Variants in SGCZ observed in about 807,000 individuals in gnomAD.
The protein encoded by SGCZ is sarcoglycan zeta, also known as zeta-sarcoglycan.
Under a neutral mutation model 41.3 loss-of-function variants are expected in SGCZ, and 40 were observed. The observed-to-expected ratio is 0.97, with a 90% CI of 0.75 to 1.26. The LOEUF is 1.26. Ranked by LOEUF, SGCZ falls within the 50% of genes most tolerant of loss-of-function variation. The pLI is 0.00. For missense variants in SGCZ, 552 were observed against 369.8 expected, an observed-to-expected ratio of 1.49 and a Z score of -4.04; for synonymous variants, 206 against 137.5, an observed-to-expected ratio of 1.50 and a Z score of -3.49.
chr8:14,742,146 A>G (rs1342074311), intron 1 of SGCZ, among the ~76,000 whole-genome samples: 1 of 152,054 alleles, frequency 6.6e-6, no homozygotes, highest in Non-Finnish European at 1.5e-5. Flanking sequence ...ATGAGCCTAA[A>G]GTTTATATAC....
At chr8:14,185,965 T>A (rs1804889857) in intron 4 of SGCZ, among the ~76,000 whole-genome samples, 1 of 152,224 alleles carries the variant, frequency 6.6e-6, no homozygotes, top group African/African-American at 2.4e-5. Flanking sequence ...TTTCTAATCA[T>A]ATGATTAGTT....
intron 3 of SGCZ, among the ~76,000 whole-genome samples, chr8:14,279,670 G>T (rs546227221): frequency 4.0e-5 from 6 of 151,844 alleles, no homozygotes; most frequent in Non-Finnish European, 8.8e-5. Flanking sequence ...GCACAGCTTC[G>T]GGCAGGTTAA....
intron 1 of SGCZ, among the ~76,000 whole-genome samples, chr8:14,800,956 T>C (rs1260060026): frequency 1.3e-5 from 2 of 152,200 alleles, no homozygotes; most frequent in Non-Finnish European, 2.9e-5. Context: ...CATGTTAGTA[T>C]TTTAAACACC....
At chr8:15,040,509 C>CGGGAGGCTAAGGCA in intron 1 of SGCZ, among the ~76,000 whole-genome samples, 1 of 152,062 alleles carries the variant, frequency 6.6e-6, no homozygotes, top group South Asian at 2.1e-4. Flanking sequence ...CCCAGCTACT[C>CGGGAGGCTAAGGCA]GGGAGGCTAA....
At chr8:14,765,184 C>A (rs1418739196) in intron 1 of SGCZ, among the ~76,000 whole-genome samples, 1 of 152,102 alleles carries the variant, frequency 6.6e-6, no homozygotes, top group African/African-American at 2.4e-5. Context: ...TTTTAAAGAC[C>A]TGGACTTGAT....
At chr8:14,494,994 C>T (rs1449183983) in intron 2 of SGCZ, among the ~76,000 whole-genome samples, 1 of 152,124 alleles carries the variant, frequency 6.6e-6, no homozygotes, top group African/African-American at 2.4e-5. Context: ...TCTAACGTAA[C>T]CTTATATCCA....
chr8:14,389,235 A>C (rs1804675116), intron 2 of SGCZ, among the ~76,000 whole-genome samples: 1 of 151,990 alleles, frequency 6.6e-6, no homozygotes, highest in Admixed American at 6.6e-5. Context: ...TGAAAAGGCA[A>C]AACGACTGAG....
At chr8:14,728,817 G>A (rs6984341) in intron 1 of SGCZ, among the ~76,000 whole-genome samples, 7,809 of 152,182 alleles carry the variant, frequency 0.051, 658 homozygotes, top group African/African-American at 0.18. Flanking sequence ...AGTTGAATGC[G>A]TGTGGTGAGT....
intron 1 of SGCZ, among the ~76,000 whole-genome samples, chr8:15,145,884 C>T (rs568745026): frequency 1.4e-3 from 209 of 152,236 alleles, no homozygotes; most frequent in African/African-American, 4.9e-3. Context: ...ATATTTATCT[C>T]CTCTGCCTCC....
intron 2 of SGCZ, among the ~76,000 whole-genome samples, chr8:14,373,878 C>T: frequency 6.6e-6 from 1 of 152,074 alleles, no homozygotes; most frequent in South Asian, 2.1e-4. Context: ...CACACCTGGA[C>T]TTAATATCTA....
intron 1 of SGCZ, among the ~76,000 whole-genome samples, chr8:14,856,662 T>A (rs545364066): frequency 9.2e-5 from 14 of 152,166 alleles, no homozygotes; most frequent in African/African-American, 3.4e-4. Flanking sequence ...ATTGTTCCAA[T>A]AGGAAATAAT....
rs558893120 is a variant in SGCZ, at chr8:14,602,192, G to C, written c.40-47266C>G. 2.6e-5 allele frequency among the ~76,000 whole-genome samples: 4 copies of C among 152,128 alleles called. No individual in the cohort carries two copies. The South Asian group carries it at 6.2e-4, about 24-fold the overall frequency. ...GATATATGGTAATTTTTCTGCTTCA[G>C]AGCTTCAGAGAAAATATTATCCCTA... On this transcript the variant is annotated intron_variant, in intron 1 of 7. Coordinates refer to ENST00000382080, the MANE Select transcript of SGCZ (RefSeq NM_139167.4).
At chr8:14,807,232 C>A (rs1428548137) in intron 1 of SGCZ, among the ~76,000 whole-genome samples, 2 of 151,854 alleles carry the variant, frequency 1.3e-5, no homozygotes, top group Non-Finnish European at 2.9e-5. Flanking sequence ...CTGGCCAGGG[C>A]AATTAGGCAG....
rs183251837 is a variant in SGCZ at position 14,764,704 on chromosome 8, C to A, written c.40-209778G>T. On this transcript the variant is annotated intron_variant, in intron 1 of 7. Transcript: ENST00000382080. Reference sequence around the variant, plus strand: ...AAGACAAATAAATGAAATTCTTGTACCTTGATTAGATCCTGGACCAAATCA... The same window carrying A: ...AAGACAAATAAATGAAATTCTTGTAACTTGATTAGATCCTGGACCAAATCA... 9.9e-4 allele frequency among the ~76,000 whole-genome samples: 150 copies of A among 152,146 alleles called. 1 individual carries two copies. Among genetic ancestry groups the A allele is most frequent in the Non-Finnish European group, 1.3e-3 (86 of 67,984 alleles).
At chr8:14,292,081 A>G (rs1362855614) in intron 3 of SGCZ, among the ~76,000 whole-genome samples, 1 of 152,092 alleles carries the variant, frequency 6.6e-6, no homozygotes, top group East Asian at 1.9e-4. Context: ...CAAGACTGTG[A>G]CAGGTAGATA....
chr8:14,606,306 C>A (rs1270265052), intron 1 of SGCZ, among the ~76,000 whole-genome samples: 2 of 150,828 alleles, frequency 1.3e-5, no homozygotes, highest in African/African-American at 2.4e-5. Context: ...TAATAGCTTT[C>A]TGTTACACTC....
At chr8:14,287,337 ATAATT>A in intron 3 of SGCZ, among the ~76,000 whole-genome samples, 1 of 152,116 alleles carries the variant, frequency 6.6e-6, no homozygotes, top group East Asian at 1.9e-4. Context: ...TAAGTTGAAC[ATAATT>A]TAATTATTTA....
intron 2 of SGCZ, among the ~76,000 whole-genome samples, chr8:14,506,757 T>G (rs566755784): frequency 3.3e-5 from 5 of 152,308 alleles, no homozygotes; most frequent in African/African-American, 1.2e-4. Context: ...CTTTTTTTAT[T>G]TAAACCAACG....
intron 1 of SGCZ, among the ~76,000 whole-genome samples, chr8:14,805,983 G>C (rs1466027828): frequency 1.3e-5 from 2 of 150,562 alleles, no homozygotes; most frequent in Non-Finnish European, 3.0e-5. Context: ...AATGACTACT[G>C]GGTACATAAC....
Sources: gnomAD v4.1 joint callset for allele counts (sites outside exome capture counted in the v4.1 genomes callset) on GRCh38, gnomAD v4.1.1 for gene constraint, MANE v1.5 for transcripts, NCBI Gene and HGNC (gene_info 2026-07-23, HGNC 2026-07-21) for gene names.